Variants in ESPN observed in about 807,000 individuals in gnomAD.
ESPN encodes the protein autosomal recessive deafness type 36 protein.
ESPN carries 68 observed loss-of-function variants against 77.7 expected under a neutral mutation model. The ratio of observed to expected loss-of-function variants is 0.87; its 90% confidence interval spans 0.72 to 1.07. ESPN has a LOEUF of 1.07. Among genes scored for constraint, ESPN ranks in the 50% least tolerant of loss-of-function variants. ESPN has a pLI of 0.00. For missense variants in ESPN, 1,060 were observed against 1,239.0 expected (o/e 0.86, Z 2.17); for synonymous variants, 449 against 567.1 (o/e 0.79, Z 2.96).
At position 6,452,237 on chromosome 1, in the gene ESPN, C is replaced by T. The variant is rs903254428; in HGVS notation, c.2325+141C>T. The T allele has an allele frequency of 6.5e-6, 7 of 1,074,650 alleles. No individual in the cohort carries two copies. The African/African-American group carries it at 1.1e-4, about 17-fold the overall frequency. The allele number at this position is 1,074,650 out of a possible 1,614,324, so 66.6% of individuals were successfully genotyped here. On this transcript the variant is annotated intron_variant, in intron 10 of 12. Coordinates refer to ENST00000645284, the MANE Select transcript of ESPN (RefSeq NM_031475.3). Reference sequence around the variant, plus strand: ...TTTCTTTTCTTGAGACAGAGTCTTGCTCTGTCGCCCAGGCTGGAGTGCAGT... The same window carrying T: ...TTTCTTTTCTTGAGACAGAGTCTTGTTCTGTCGCCCAGGCTGGAGTGCAGT...
At chr1:6,454,258 G>T (rs2148543011) in intron 10 of ESPN, among the ~76,000 whole-genome samples, 1 of 152,274 alleles carries the variant, frequency 6.6e-6, no homozygotes. Flanking sequence ...GGCGGCTCAG[G>T]CCGAAGCCTC....
At chr1:6,446,007 G>C in intron 7 of ESPN, 72 bp downstream of exon 7, 3 of 1,501,330 alleles carry the variant, frequency 2.0e-6, no homozygotes, top group Non-Finnish European at 2.8e-6. Context: ...GAGGCCAAAG[G>C]CCTGGCCTCA....
chr1:6,429,480 T>C (rs185514666), intron 2 of ESPN, among the ~76,000 whole-genome samples: 4,651 of 152,136 alleles, frequency 0.031, 107 homozygotes, highest in Non-Finnish European at 0.045. Context: ...ACTCTCCAGG[T>C]TGGGGCGTGG....
In ESPN at chr1:6,440,918, C is replaced by T; in HGVS notation, c.859-16C>T. Reference sequence around the variant, plus strand: ...GCTCGCGGCCGCGGCCGGGTCCTCACTGCGTGCCCCCGCAGTGCTGCCAGA... The same window carrying T: ...GCTCGCGGCCGCGGCCGGGTCCTCATTGCGTGCCCCCGCAGTGCTGCCAGA... On this transcript the variant is annotated splice_polypyrimidine_tract_variant and intron_variant, in intron 4 of 12. Coordinates refer to ENST00000645284, the MANE Select transcript of ESPN (RefSeq NM_031475.3). 2.6e-6 allele frequency: 4 copies of T among 1,558,818 alleles called. No individual in the cohort carries two copies. The highest frequency in any genetic ancestry group is 2.6e-6 in the Non-Finnish European group (3 of 1,153,218).
intron 3 of ESPN, 22 bp from the exon 4 acceptor site, chr1:6,440,604 T>TCAG: frequency 4.1e-6 from 3 of 725,290 alleles, no homozygotes; most frequent in Non-Finnish European, 6.3e-6. Flanking sequence ...CCCGCCCCCC[T>TCAG]CTCCCCGCCC....
At chr1:6,426,521 C>T (rs988973653) in intron 1 of ESPN, among the ~76,000 whole-genome samples, 11 of 152,192 alleles carry the variant, frequency 7.2e-5, no homozygotes, top group Admixed American at 7.2e-4. Flanking sequence ...GCTTGCCCAG[C>T]CCAGAGAGAT....
At position 6,437,332 on chromosome 1, in the gene ESPN, C is replaced by A. The variant is rs937219699; in HGVS notation, c.489-2922C>A. On this transcript the variant is annotated intron_variant, in intron 2 of 12. Coordinates refer to ENST00000645284, the MANE Select transcript of ESPN (RefSeq NM_031475.3). This position sits in a 1 kb window ranked among gnomAD's most constrained non-coding sequence, Gnocchi z 4.5. ...CAGAGCTCACCGCAGGTCTGGCCCC[C>A]CCACCAGCTGTGCAGACCGCCGTGG... is the stretch of plus-strand genomic sequence containing the variant. 5.3e-5 allele frequency: 8 copies of A among 152,222 alleles called. No individual in the cohort carries two copies. Among genetic ancestry groups the A allele is most frequent in the Non-Finnish European group, 1.2e-4 (8 of 68,072 alleles). The allele number at this position is 152,222 out of a possible 1,614,324, so 9.4% of individuals were successfully genotyped here.
At chr1:6,452,904 A>ATT (rs141387813) in intron 10 of ESPN, among the ~76,000 whole-genome samples, 1 of 150,872 alleles carries the variant, frequency 6.6e-6, no homozygotes, top group Admixed American at 6.6e-5. Context: ...TTTATTTTTT[A>ATT]TTTTTTGAGA....
chr1:6,433,977 T>C (rs1643343123), intron 2 of ESPN, among the ~76,000 whole-genome samples: 1 of 152,194 alleles, frequency 6.6e-6, no homozygotes, highest in Non-Finnish European at 1.5e-5. Context: ...CACGGCTCAC[T>C]GCAACCTCCA....
chr1:6,455,042 C>A, intron 10 of ESPN: 1 of 379,768 alleles, frequency 2.6e-6, no homozygotes, highest in East Asian at 3.8e-5. Context: ...AGTCCGCTGG[C>A]GCCCCGGGCC....
intron 7 of ESPN, chr1:6,448,318 C>T (rs1189929463): frequency 3.3e-6 from 1 of 304,656 alleles, no homozygotes; most frequent in East Asian, 6.9e-5. Flanking sequence ...GGAGGTGCCC[C>T]TTCGCCAGCT....
chr1:6,440,743 G>A lies in ESPN; in HGVS notation c.793G>A (p.Glu265Lys). The change falls in exon 4 of 13, where the codon GAG becomes AAG. Residue 265 changes from glutamate to lysine, a missense_variant. Glu to Lys is a moderately conservative substitution (Grantham distance 56, BLOSUM62 1). Coordinates refer to ENST00000645284, the MANE Select transcript of ESPN (RefSeq NM_031475.3). ...VLSWLLLHGG[E>K]ISADLWGGTP... ...CAGCTGGCTGCTGCTGCACGGCGGG[G>A]AGATCTCGGCTGACCTGTGGGGCGG... The A allele has an allele frequency of 1.9e-6, 3 of 1,543,564 alleles. No individual in the cohort carries two copies.
At chr1:6,452,630 C>A (rs1249867991) in intron 10 of ESPN, among the ~76,000 whole-genome samples, 3 of 152,242 alleles carry the variant, frequency 2.0e-5, no homozygotes, top group African/African-American at 7.2e-5. Context: ...GAGGTCTGGG[C>A]GGGGCTGAGG....
intron 10 of ESPN, chr1:6,456,020 G>A (rs945539898): frequency 5.1e-6 from 2 of 393,644 alleles, no homozygotes; most frequent in Non-Finnish European, 9.0e-6. Flanking sequence ...CGCCGCCGCC[G>A]CCCCCGCCCG....
chr1:6,455,751 C>G (rs1644043788), intron 10 of ESPN: 1 of 398,914 alleles, frequency 2.5e-6, no homozygotes, highest in Non-Finnish European at 4.4e-6. Flanking sequence ...GGGCAGCCAC[C>G]CGTGGGAGCG....
At chr1:6,432,756 G>A (rs754938823) in intron 2 of ESPN, among the ~76,000 whole-genome samples, 12 of 152,244 alleles carry the variant, frequency 7.9e-5, no homozygotes, top group East Asian at 7.7e-4. Flanking sequence ...ACTACAGAAC[G>A]GAAAAGGGGA....
chr1:6,438,150 G>A (rs866399123), intron 2 of ESPN, among the ~76,000 whole-genome samples: 4 of 152,256 alleles, frequency 2.6e-5, no homozygotes, highest in East Asian at 1.9e-4. Context: ...AATAGGTCGC[G>A]GCCCCCAACC....
At chr1:6,455,898 A>G (rs1323473341) in intron 10 of ESPN, 3 of 398,778 alleles carry the variant, frequency 7.5e-6, no homozygotes, top group Non-Finnish European at 8.9e-6. Context: ...AGAACAGGCG[A>G]AGGAAAAGGA....
chr1:6,431,848 T>C (rs1273043859), intron 2 of ESPN, among the ~76,000 whole-genome samples: 4 of 152,308 alleles, frequency 2.6e-5, no homozygotes, highest in Middle Eastern at 3.4e-3. Flanking sequence ...GCATCTTCTA[T>C]GTGCCAGGCA....
Sources: gnomAD v4.1 joint callset for allele counts (sites outside exome capture counted in the v4.1 genomes callset) on GRCh38, gnomAD v4.1.1 for gene constraint, Gnocchi (gnomAD v3.1) non-coding constraint, MANE v1.5 for transcripts, NCBI Gene and HGNC (gene_info 2026-07-23, HGNC 2026-07-21) for gene names.